Variants in TRPC4 observed in about 807,000 individuals in gnomAD.
TRPC4 encodes short transient receptor potential channel 4.
A neutral mutation model predicts 99.4 loss-of-function variants in TRPC4; 49 were observed. The observed-to-expected ratio is 0.49, with a 90% confidence interval of 0.39 to 0.63. TRPC4 has a LOEUF of 0.63. Among genes scored for constraint, TRPC4 ranks in the 20% least tolerant of loss-of-function variants. TRPC4 has a pLI of 0.00. For missense variants in TRPC4, 898 were observed against 1,152.9 expected, an observed-to-expected ratio of 0.78 and a Z score of 3.20; for synonymous variants, 454 against 425.9, an observed-to-expected ratio of 1.07 and a Z score of -0.81.
chr13:37,650,800 A>G (rs1566068297), intron 8 of TRPC4, among the ~76,000 whole-genome samples: 1 of 142,834 alleles, frequency 7.0e-6, no homozygotes, highest in Non-Finnish European at 1.5e-5. Flanking sequence ...CTTATCAAGC[A>G]TAAAATGCTT....
chr13:37,809,418 G>A lies in TRPC4; in HGVS notation c.-27-26058C>T, dbSNP rs77857638. 8.3e-3 allele frequency among the ~76,000 whole-genome samples: 1,241 copies of A among 150,392 alleles called. 24 individuals are homozygous for A. In the East Asian group the frequency reaches 0.1, roughly 12 times the overall value. ...CTCTTTTGGATATCTTATTTTGATG[G>A]AAATCATTACCAAAAGGCTTCCTTC... On this transcript the variant is annotated intron_variant, in intron 1 of 10. Coordinates refer to ENST00000379705, the MANE Select transcript of TRPC4 (RefSeq NM_016179.4).
In TRPC4 at chr13:37,720,152, G is replaced by A. The variant is rs115506954; in HGVS notation, c.897+25785C>T. ...TCCAGAAGGAATGCAACCACGCCAAGATCTCAATTTTAGCTCAGTGAGACT... is the reference window on the plus strand; with the variant it reads ...TCCAGAAGGAATGCAACCACGCCAAAATCTCAATTTTAGCTCAGTGAGACT... On this transcript the variant is annotated intron_variant, in intron 3 of 10. Transcript: ENST00000379705. 8.8e-3 allele frequency among the ~76,000 whole-genome samples: 1,337 copies of A among 152,178 alleles called. 21 individuals are homozygous for A. The highest frequency in any genetic ancestry group is 0.03 in the African/African-American group (1,237 of 41,524).
chr13:37,867,546 G>T (rs1355640648), intron 1 of TRPC4, among the ~76,000 whole-genome samples: 1 of 152,010 alleles, frequency 6.6e-6, no homozygotes, highest in Non-Finnish European at 1.5e-5. Context: ...CACAGGGTAT[G>T]CTGATAGCAT....
At chr13:37,841,018 C>G (rs1958716641) in intron 1 of TRPC4, among the ~76,000 whole-genome samples, 1 of 151,748 alleles carries the variant, frequency 6.6e-6, no homozygotes, top group Non-Finnish European at 1.5e-5. Context: ...CAGCACAAAG[C>G]CAAAAATTTT....
intron 5 of TRPC4, among the ~76,000 whole-genome samples, chr13:37,672,838 T>C (rs1315964008): frequency 6.6e-6 from 1 of 152,232 alleles, no homozygotes; most frequent in African/African-American, 2.4e-5. Context: ...GTTTTCATTT[T>C]GAAATATACT....
chr13:37,755,647 C>T (rs979795162), intron 2 of TRPC4, among the ~76,000 whole-genome samples: 10 of 151,968 alleles, frequency 6.6e-5, no homozygotes, highest in Admixed American at 2.0e-4. Context: ...AATGATCCTC[C>T]TACCTCAGCC....
At position 37,637,122 on chromosome 13, in the gene TRPC4, T is replaced by C. The variant is rs200985201; in HGVS notation, c.2715A>G (p.Gln905=). The C allele has an allele frequency of 1.9e-6, 3 of 1,613,824 alleles. No homozygotes were observed. The highest frequency in any genetic ancestry group is 2.5e-6 in the Non-Finnish European group (3 of 1,179,826). The stretch of plus-strand genomic sequence containing the variant: ...TTTCTCTATGGTCTACTAACACACA[T>C]TGTTCACTGAGACCGGGAATGCTCA... ...GDLSIPGLSE[Q]CVLVDHRERN... is the part of the protein sequence containing the mutation. The change falls in exon 11 of 11, where the codon CAA becomes CAG. Residue 905 remains glutamine (Q), a synonymous_variant. Coordinates refer to ENST00000379705, the MANE Select transcript of TRPC4 (RefSeq NM_016179.4).
At chr13:37,850,384 A>G (rs1431440839) in intron 1 of TRPC4, among the ~76,000 whole-genome samples, 1 of 152,206 alleles carries the variant, frequency 6.6e-6, no homozygotes, top group Admixed American at 6.5e-5. Context: ...TAATAGTTTT[A>G]TCTACAATTT....
At chr13:37,703,675 T>G (rs538812002) in intron 3 of TRPC4, among the ~76,000 whole-genome samples, 2 of 152,218 alleles carry the variant, frequency 1.3e-5, no homozygotes, top group East Asian at 1.9e-4. Context: ...AAAAAATATC[T>G]AATTAAAACA....
chr13:37,746,466 A>C lies in TRPC4; in HGVS notation c.379-11T>G, dbSNP rs768604960. ...GAGTATAGGAGGCACCTAAAAAAAA[A>C]AAAGGCAGAGGTGATGAATATTTAT... On this transcript the variant is annotated splice_polypyrimidine_tract_variant and intron_variant, in intron 2 of 10. Coordinates refer to ENST00000379705, the MANE Select transcript of TRPC4 (RefSeq NM_016179.4). The C allele has an allele frequency of 5.7e-6, 9 of 1,581,714 alleles. No homozygotes were observed. In the South Asian group the frequency reaches 9.3e-5, roughly 16 times the overall value.
chr13:37,652,177 G>A (rs1952068611), intron 7 of TRPC4, among the ~76,000 whole-genome samples: 1 of 152,154 alleles, frequency 6.6e-6, no homozygotes, highest in African/African-American at 2.4e-5. Context: ...ATTAGATTTG[G>A]GACAGCCAGT....
At chr13:37,758,542 T>C (rs1196907098) in intron 2 of TRPC4, among the ~76,000 whole-genome samples, 1 of 151,770 alleles carries the variant, frequency 6.6e-6, no homozygotes, top group Admixed American at 6.6e-5. Context: ...TTGGAGTTTC[T>C]ATATAATGCA....
chr13:37,725,032 T>C (rs1377693545), intron 3 of TRPC4, among the ~76,000 whole-genome samples: 2 of 151,774 alleles, frequency 1.3e-5, no homozygotes, highest in African/African-American at 2.4e-5. Flanking sequence ...AAACTATGTA[T>C]GAACAGAAAG....
intron 4 of TRPC4, among the ~76,000 whole-genome samples, chr13:37,686,999 CT>C (rs2138849006): frequency 6.6e-6 from 1 of 151,808 alleles, no homozygotes; most frequent in East Asian, 1.9e-4. Context: ...GAGTCTTGCT[CT>C]GTCACCTACA....
At chr13:37,739,034 T>G (rs1489108586) in intron 3 of TRPC4, among the ~76,000 whole-genome samples, 3 of 152,168 alleles carry the variant, frequency 2.0e-5, no homozygotes, top group African/African-American at 7.2e-5. Flanking sequence ...AGTAATGTTT[T>G]GGAGGAGGTT....
At position 37,781,672 on chromosome 13, in the gene TRPC4, C is replaced by A. The variant is rs4943537; in HGVS notation, c.378+1284G>T. Reference sequence around the variant, plus strand: ...ATAATGAGAGTAATCCACAAACAACCGTTTATGAAAGAAACAACAAAATGC... The same window carrying A: ...ATAATGAGAGTAATCCACAAACAACAGTTTATGAAAGAAACAACAAAATGC... On this transcript the variant is annotated intron_variant, in intron 2 of 10. Coordinates refer to ENST00000379705, the MANE Select transcript of TRPC4 (RefSeq NM_016179.4). Among the ~76,000 whole-genome samples, 7 of 151,872 alleles carry A rather than the reference C, an allele frequency of 4.6e-5. No individual in the cohort carries two copies. The East Asian group carries it at 1.4e-3, about 30-fold the overall frequency.
At chr13:37,649,184 G>C (rs1487166958) in intron 8 of TRPC4, among the ~76,000 whole-genome samples, 1 of 152,182 alleles carries the variant, frequency 6.6e-6, no homozygotes, top group African/African-American at 2.4e-5. Flanking sequence ...GTAAGCTGAA[G>C]TCTGGCTTCC....
At chr13:37,766,628 G>C in intron 2 of TRPC4, among the ~76,000 whole-genome samples, 1 of 151,372 alleles carries the variant, frequency 6.6e-6, no homozygotes, top group African/African-American at 2.4e-5. Context: ...TACATGTGTA[G>C]GGTAGGAAGT....
chr13:37,746,644 C>T (rs1159331833), intron 2 of TRPC4, among the ~76,000 whole-genome samples, 189 bp from the exon 3 acceptor site: 1 of 150,766 alleles, frequency 6.6e-6, no homozygotes, highest in East Asian at 1.9e-4. Flanking sequence ...AAAAACTTTC[C>T]AATATGATGC....
Sources: gnomAD v4.1 joint callset for allele counts (sites outside exome capture counted in the v4.1 genomes callset) on GRCh38, gnomAD v4.1.1 for gene constraint, MANE v1.5 for transcripts, NCBI Gene and HGNC (gene_info 2026-07-23, HGNC 2026-07-21) for gene names.